SEM1: variants seen among roughly 807,000 people sequenced by gnomAD.
The protein encoded by SEM1 is SEM1 26S proteasome subunit, also known as 26S proteasome complex subunit SEM1.
SEM1 carries 3 observed loss-of-function variants against 12.7 expected under a neutral mutation model. That is an observed-to-expected ratio of 0.24 (90% CI 0.11 to 0.61). SEM1 has a LOEUF of 0.61. Ranked by LOEUF, SEM1 falls within the 20% of genes least tolerant of loss-of-function variation. The pLI, the probability that SEM1 is intolerant of heterozygous loss-of-function variation, is 0.88. For missense variants in SEM1, 59 were observed against 81.3 expected (o/e 0.73, Z 1.06); for synonymous variants, 30 against 27.8 (o/e 1.08, Z -0.25).
intron 2 of SEM1, among the ~76,000 whole-genome samples, chr7:96,597,682 T>G (rs1807046558): frequency 6.6e-6 from 1 of 150,830 alleles, no homozygotes; most frequent in Non-Finnish European, 1.5e-5. Flanking sequence ...ATATGATATA[T>G]ATATATATAT....
At chr7:96,689,965 T>C (rs899164811) in intron 2 of SEM1, among the ~76,000 whole-genome samples, 1 of 152,160 alleles carries the variant, frequency 6.6e-6, no homozygotes, top group African/African-American at 2.4e-5. Context: ...CTTATCTCCA[T>C]TGTTTTGAGA....
chr7:96,557,847 C>T (rs569739833), intron 2 of SEM1, among the ~76,000 whole-genome samples: 1 of 152,136 alleles, frequency 6.6e-6, no homozygotes, highest in African/African-American at 2.4e-5. Context: ...AGCCAGGCTC[C>T]GTGGGCGTAG....
intron 2 of SEM1, among the ~76,000 whole-genome samples, chr7:96,521,157 C>T (rs978139099): frequency 1.3e-5 from 2 of 152,064 alleles, no homozygotes; most frequent in South Asian, 2.1e-4. Context: ...AAAGGAGGGC[C>T]TGCAATCTCT....
upstream of SEM1, among the ~76,000 whole-genome samples, chr7:96,498,739 G>A (rs796958959): frequency 7.9e-5 from 12 of 152,232 alleles, no homozygotes; most frequent in African/African-American, 2.9e-4. Flanking sequence ...TTAATTCTTT[G>A]AGGTAGCTTC....
chr7:96,670,489 G>A (rs980995848), downstream of SEM1, among the ~76,000 whole-genome samples: 1 of 152,168 alleles, frequency 6.6e-6, no homozygotes, highest in Non-Finnish European at 1.5e-5. Flanking sequence ...TTGACAGATG[G>A]CGGAAAATAG....
At chr7:96,483,720 G>T in exon 4 of SEM1, 1 of 1,120,006 alleles carries the variant, frequency 8.9e-7, no homozygotes, top group Non-Finnish European at 1.3e-6. Context: ...GACCCACCCA[G>T]CCACACAGAA....
At chr7:96,549,293 G>A (rs766084246) in intron 2 of SEM1, among the ~76,000 whole-genome samples, 50 of 152,132 alleles carry the variant, frequency 3.3e-4, no homozygotes, top group Admixed American at 1.8e-3. Context: ...AACTGAGGTG[G>A]TTTCCCTACT....
chr7:96,493,915 GT>G (rs1197553747), intron 1 of SEM1, among the ~76,000 whole-genome samples: 6 of 151,926 alleles, frequency 3.9e-5, no homozygotes, highest in African/African-American at 1.5e-4. Context: ...ACATTTTTTA[GT>G]TTTGCTCCCC....
chr7:96,684,743 A>G (rs551886081), downstream of SEM1, among the ~76,000 whole-genome samples: 1 of 152,236 alleles, frequency 6.6e-6, no homozygotes, highest in East Asian at 1.9e-4. Flanking sequence ...TCTTCTCATC[A>G]AGTTAATTTT....
chr7:96,580,356 A>G (rs1200305827), intron 2 of SEM1, among the ~76,000 whole-genome samples: 1 of 148,980 alleles, frequency 6.7e-6, no homozygotes, highest in African/African-American at 2.5e-5. Context: ...CATTTTCTTA[A>G]TCCAGTCTAT....
intron 1 of SEM1, among the ~76,000 whole-genome samples, chr7:96,494,619 A>G (rs894776328): frequency 6.6e-6 from 1 of 152,188 alleles, no homozygotes; most frequent in East Asian, 1.9e-4. Context: ...CATGGGTGTT[A>G]GAATCACAAC....
chr7:96,588,377 CACACACACACACACACACACGAGA>C (rs1806716917), intron 2 of SEM1, among the ~76,000 whole-genome samples: 1 of 125,628 alleles, frequency 8.0e-6, no homozygotes, highest in Admixed American at 8.6e-5. Flanking sequence ...CACACACACA[CACACACACACACACACACACGAGA>C]GAGAGAGAGA....
At chr7:96,549,200 C>A (rs1384665630) in intron 2 of SEM1, among the ~76,000 whole-genome samples, 3 of 152,130 alleles carry the variant, frequency 2.0e-5, no homozygotes, top group African/African-American at 4.8e-5. Context: ...GGTAGAGTGA[C>A]CAAATCTTTC....
chr7:96,685,705 A>G (rs1180152478), downstream of SEM1, among the ~76,000 whole-genome samples: 1 of 151,918 alleles, frequency 6.6e-6, no homozygotes. Context: ...ATAGCTGAGA[A>G]CAACGTCTGG....
intron 1 of SEM1, among the ~76,000 whole-genome samples, chr7:96,703,279 G>C (rs1027175585): frequency 5.9e-5 from 9 of 152,288 alleles, no homozygotes; most frequent in African/African-American, 2.2e-4. Flanking sequence ...CTATAGTAAT[G>C]CATCAGTGCG....
intron 1 of SEM1, among the ~76,000 whole-genome samples, chr7:96,706,586 A>G (rs1273450569): frequency 1.3e-5 from 2 of 149,228 alleles, no homozygotes; most frequent in African/African-American, 4.9e-5. Flanking sequence ...AAAAAAAAAA[A>G]AAAAAAAAAG....
At chr7:96,524,319 C>T (rs1804378241) in intron 2 of SEM1, among the ~76,000 whole-genome samples, 1 of 152,134 alleles carries the variant, frequency 6.6e-6, no homozygotes. Flanking sequence ...CAATAGAACT[C>T]CTGCGATGAT....
intron 2 of SEM1, among the ~76,000 whole-genome samples, chr7:96,613,950 A>G (rs773596594): frequency 2.6e-5 from 4 of 152,236 alleles, no homozygotes; most frequent in South Asian, 2.1e-4. Context: ...TTGTCCATCA[A>G]TGGGCACTTC....
At chr7:96,565,442 A>C (rs941944823) in intron 2 of SEM1, among the ~76,000 whole-genome samples, 1 of 151,900 alleles carries the variant, frequency 6.6e-6, no homozygotes, top group Non-Finnish European at 1.5e-5. Context: ...GCACAATTTT[A>C]GTAAGTGGAT....
Sources: allele counts gnomAD v4.1 joint callset (sites outside exome capture counted in the v4.1 genomes callset), GRCh38; gene constraint gnomAD v4.1.1; transcripts MANE v1.5; gene names NCBI Gene and HGNC (gene_info 2026-07-23, HGNC 2026-07-21).